Variants in MAPK8IP3 observed in about 807,000 individuals in gnomAD.
MAPK8IP3 encodes the protein mitogen-activated protein kinase 8 interacting protein 3.
MAPK8IP3 carries 49 observed loss-of-function variants against 157.8 expected under a neutral mutation model. The observed-to-expected ratio is 0.31, with a 90% CI of 0.25 to 0.39. MAPK8IP3 has a LOEUF of 0.39. Among genes scored for constraint, MAPK8IP3 ranks in the 10% least tolerant of loss-of-function variants. MAPK8IP3 has a pLI of 1.00. For missense variants in MAPK8IP3, 1,478 were observed against 1,889.4 expected, an observed-to-expected ratio of 0.78 and a Z score of 4.04; for synonymous variants, 897 against 777.7, an observed-to-expected ratio of 1.15 and a Z score of -2.55.
At chr16:1,744,368 G>T (rs558520721) in intron 5 of MAPK8IP3, 3 of 985,920 alleles carry the variant, frequency 3.0e-6, no homozygotes, top group Non-Finnish European at 3.6e-6. Context: ...ATGCTTTGCC[G>T]ACTGTCCTTC....
At chr16:1,768,039 T>C (rs1369137613) in intron 28 of MAPK8IP3, 30 bp from the exon 29 acceptor site, 1 of 1,612,078 alleles carries the variant, frequency 6.2e-7, no homozygotes, top group Non-Finnish European at 8.5e-7. Context: ...ACCGCTCTCC[T>C]CTTCTCCCAT....
chr16:1,727,207 T>C (rs1357508044), intron 2 of MAPK8IP3, among the ~76,000 whole-genome samples: 1 of 151,040 alleles, frequency 6.6e-6, no homozygotes, highest in African/African-American at 2.4e-5. Flanking sequence ...AGTTGTGTGC[T>C]GTGTGCGGCG....
rs540593507 is a variant in MAPK8IP3 at position 1,736,888 on chromosome 16, C to T, written c.603-6444C>T. Among the ~76,000 whole-genome samples, 74 of 26,782 alleles carry T rather than the reference C, an allele frequency of 2.8e-3. 2 individuals are homozygous for T. Among genetic ancestry groups the T allele is most frequent in the African/African-American group, 0.013 (72 of 5,498 alleles). The allele number at this position is 26,782 out of a possible 152,430, so 17.6% of individuals were successfully genotyped here. ...CATGTGAGCATCCGTGAGCGTGTGACCGTCCGTGTGTGACCGTCTGTGTGA... is the reference window on the plus strand; with the variant it reads ...CATGTGAGCATCCGTGAGCGTGTGATCGTCCGTGTGTGACCGTCTGTGTGA... On this transcript the variant is annotated intron_variant, in intron 4 of 31. Coordinates refer to ENST00000610761, the MANE Select transcript of MAPK8IP3 (RefSeq NM_001318852.2).
intron 2 of MAPK8IP3, among the ~76,000 whole-genome samples, chr16:1,728,012 C>T (rs1032052528): frequency 6.6e-6 from 1 of 152,262 alleles, no homozygotes; most frequent in African/African-American, 2.4e-5. Flanking sequence ...CTCCCTGGGG[C>T]TGTCTCTCAC....
chr16:1,738,935 TGA>T (rs199988173), intron 4 of MAPK8IP3, among the ~76,000 whole-genome samples: 1,987 of 127,576 alleles, frequency 0.016, 95 homozygotes, highest in African/African-American at 0.041. Context: ...AGCGTCCGTG[TGA>T]GAGTGTGACC....
intron 3 of MAPK8IP3, 48 bp downstream of exon 3, chr16:1,729,256 G>A (rs756911160): frequency 2.5e-6 from 4 of 1,586,142 alleles, no homozygotes; most frequent in East Asian, 2.2e-5. Flanking sequence ...AGACAGGGCC[G>A]CGGCCTGACG....
At chr16:1,744,358 A>T in intron 5 of MAPK8IP3, 1 of 986,028 alleles carries the variant, frequency 1.0e-6, no homozygotes, top group Non-Finnish European at 1.2e-6. Context: ...TTCCTGCTGC[A>T]TGCTTTGCCG....
chr16:1,768,408 T>TC, intron 30 of MAPK8IP3, 30 bp downstream of exon 30: 1 of 1,598,078 alleles, frequency 6.3e-7, no homozygotes, highest in Non-Finnish European at 8.5e-7. Context: ...GCCATCCACA[T>TC]CCCCTGCATG....
chr16:1,740,707 G>A (rs753980024), intron 4 of MAPK8IP3, among the ~76,000 whole-genome samples: 14 of 152,238 alleles, frequency 9.2e-5, no homozygotes, highest in Non-Finnish European at 1.9e-4. Context: ...CTCGTCAGTC[G>A]TGGAGGAAAA....
Position 1,723,776 on chromosome 16 carries a change from G to A in MAPK8IP3, c.319-781G>A, listed in dbSNP as rs1394199396. On this transcript the variant is annotated intron_variant, in intron 1 of 31. Coordinates refer to ENST00000610761, the MANE Select transcript of MAPK8IP3 (RefSeq NM_001318852.2). ...CTGTAGGAACTACACTTATGGCATC[G>A]ATGCCCGGCCACACCTGGGGCCTCA... Among the ~76,000 whole-genome samples the A allele has an allele frequency of 3.9e-5, 6 of 152,162 alleles. No individual in the cohort carries two copies. The South Asian group carries it at 6.2e-4, about 16-fold the overall frequency.
chr16:1,723,218 A>T (rs1202989467), intron 1 of MAPK8IP3, among the ~76,000 whole-genome samples: 2 of 151,372 alleles, frequency 1.3e-5, no homozygotes, highest in Admixed American at 6.6e-5. Flanking sequence ...ATTTTTTAGT[A>T]GAAACAGAGT....
In MAPK8IP3 at chr16:1,743,665, G is replaced by C. The variant is rs955363763; in HGVS notation, c.747+189G>C. The C allele has an allele frequency of 5.8e-5, 83 of 1,424,260 alleles. No homozygotes were observed. In the African/African-American group the frequency reaches 1.2e-3, roughly 20 times the overall value. The allele number at this position is 1,424,260 out of a possible 1,614,324, so 88.2% of individuals were successfully genotyped here. A position where few individuals can be genotyped will look rare whatever the true frequency, so the allele number is the denominator to read the frequency against. ...GGGCTCAGGCTGCCCAGCAGGCCCT[G>C]TGTGGCTGTGGCTGTTCCACGCGGC... On this transcript the variant is annotated intron_variant, in intron 5 of 31. Coordinates refer to ENST00000610761, the MANE Select transcript of MAPK8IP3 (RefSeq NM_001318852.2). This position sits in a 1 kb window ranked among gnomAD's most constrained non-coding sequence, Gnocchi z 5.6.
chr16:1,736,971 ACC>A (rs2141796307), intron 4 of MAPK8IP3, among the ~76,000 whole-genome samples: 1 of 67,590 alleles, frequency 1.5e-5, no homozygotes, highest in Non-Finnish European at 2.7e-5. Flanking sequence ...CGTCCGTGTG[ACC>A]GTCCGTGTGA....
chr16:1,743,557 C>A lies in MAPK8IP3; in HGVS notation c.747+81C>A. On this transcript the variant is annotated intron_variant, in intron 5 of 31. Transcript: ENST00000610761. This position sits in a 1 kb window ranked among gnomAD's most constrained non-coding sequence, Gnocchi z 5.6. ...TTCACTGGGGCGGGAGCCTCGTCTG[C>A]AGGCAGCCCTTCACGGCTCTCTGGG... The A allele has an allele frequency of 6.5e-7, 1 of 1,540,416 alleles. No homozygotes were observed. Among genetic ancestry groups the A allele is most frequent in the Non-Finnish European group, 8.7e-7 (1 of 1,154,034 alleles).
In MAPK8IP3 at chr16:1,739,513, ACCGT is replaced by A. The variant is rs1209834903; in HGVS notation, c.603-3814_603-3811del. Among the ~76,000 whole-genome samples, 13 of 99,452 alleles carry A rather than the reference ACCGT, an allele frequency of 1.3e-4. 1 individual carries two copies. Among genetic ancestry groups the A allele is most frequent in the Non-Finnish European group, 2.1e-4 (11 of 51,842 alleles). 65.2% of individuals were successfully genotyped at this position (99,452 alleles called of 152,430 possible). ...GTGTGACCGTTCGTGTGAGTGTGTG[ACCGT>A]CCGTGTGAGCTTCCGTGTGACCATC... On this transcript the variant is annotated intron_variant, in intron 4 of 31. Coordinates refer to ENST00000610761, the MANE Select transcript of MAPK8IP3 (RefSeq NM_001318852.2).
At chr16:1,727,355 C>T (rs1406968640) in intron 2 of MAPK8IP3, among the ~76,000 whole-genome samples, 4 of 151,766 alleles carry the variant, frequency 2.6e-5, no homozygotes, top group Non-Finnish European at 4.4e-5. Flanking sequence ...CTGTGTGCAG[C>T]GTCTGTGAGC....
chr16:1,722,596 C>T (rs1397125324), intron 1 of MAPK8IP3, among the ~76,000 whole-genome samples: 1 of 152,058 alleles, frequency 6.6e-6, no homozygotes, highest in Non-Finnish European at 1.5e-5. Context: ...TGGGTGCAGT[C>T]GCTCAGGCCT....
chr16:1,740,599 C>T (rs1274338107), intron 4 of MAPK8IP3, among the ~76,000 whole-genome samples: 6 of 152,360 alleles, frequency 3.9e-5, no homozygotes, highest in Non-Finnish European at 8.8e-5. Context: ...GTGGCGTGTG[C>T]GCATTCTGCT....
chr16:1,761,160 C>A, intron 12 of MAPK8IP3, 64 bp from the exon 13 acceptor site: 1 of 1,343,940 alleles, frequency 7.4e-7, no homozygotes, highest in Non-Finnish European at 1.1e-6. Flanking sequence ...GGGCACTGCC[C>A]GCTATGTGTT....
Sources: gnomAD v4.1 joint callset for allele counts (sites outside exome capture counted in the v4.1 genomes callset) on GRCh38, gnomAD v4.1.1 for gene constraint, Gnocchi (gnomAD v3.1) non-coding constraint, MANE v1.5 for transcripts, NCBI Gene and HGNC (gene_info 2026-07-23, HGNC 2026-07-21) for gene names.